Variants in NSL1 observed in about 807,000 individuals in gnomAD.
NSL1 encodes the protein kinetochore-associated protein NSL1 homolog.
Under a neutral mutation model 25.4 loss-of-function variants are expected in NSL1, and 11 were observed. The ratio of observed to expected loss-of-function variants is 0.43; its 90% CI spans 0.27 to 0.72. The LOEUF (loss-of-function observed/expected upper bound fraction) is 0.72, where lower values mean the gene tolerates loss of function less well. Among genes scored for constraint, NSL1 ranks in the 30% least tolerant of loss-of-function variants. NSL1 has a pLI of 0.19. For synonymous variants in NSL1, 118 were observed against 120.6 expected (o/e 0.98, Z 0.14); for missense variants, 330 against 342.7 (o/e 0.96, Z 0.29).
At position 212,736,503 on chromosome 1, in the gene NSL1, TC is replaced by T; in HGVS notation, c.*1904del. 1 of 985,234 alleles carries T rather than the reference TC, an allele frequency of 1.0e-6. No homozygotes were observed. The highest frequency in any genetic ancestry group is 1.7e-5 in the African/African-American group (1 of 57,378). The allele number at this position is 985,234 out of a possible 1,614,324, so 61.0% of individuals were successfully genotyped here. A position where few individuals can be genotyped will look rare whatever the true frequency, so the allele number is the denominator to read the frequency against. ...GCCTATGCAGAAATGCAACTTCTCC[TC>T]TTACACAGTATACTTATTCAATATT... On this transcript the variant is annotated 3_prime_UTR_variant, in exon 6 of 6. Coordinates refer to ENST00000366977, the MANE Select transcript of NSL1 (RefSeq NM_015471.4).
At chr1:212,761,973 A>G (rs1268002333) in intron 4 of NSL1, among the ~76,000 whole-genome samples, 2 of 18,516 alleles carry the variant, frequency 1.1e-4, no homozygotes, top group African/African-American at 2.2e-4. Flanking sequence ...TGATGAGCTA[A>G]AAAAAAAAAA....
intron 4 of NSL1, among the ~76,000 whole-genome samples, chr1:212,765,732 G>C (rs982377487): frequency 6.6e-6 from 1 of 152,038 alleles, no homozygotes; most frequent in Non-Finnish European, 1.5e-5. Flanking sequence ...CTTGAACCTG[G>C]AAAGTGGAGG....
In NSL1 at chr1:212,791,540, T is replaced by G; in HGVS notation, c.224A>C (p.Asp75Ala). 6.2e-7 allele frequency: 1 copy of G among 1,613,498 alleles called. No homozygotes were observed. Among genetic ancestry groups the G allele is most frequent in the Non-Finnish European group, 8.5e-7 (1 of 1,179,900 alleles). Residue 75 changes from aspartate to alanine, a missense_variant, in exon 1 of 6, where the codon GAT becomes GCT. Coordinates refer to ENST00000366977, the MANE Select transcript of NSL1 (RefSeq NM_015471.4). Reference protein sequence around the residue: ...PEEIREPALRDAQWTFESAVQ... With the variant: ...PEEIREPALRAAQWTFESAVQ... Reference sequence around the variant, plus strand: ...TAACTGGTCCCGTACCCACTGCGCATCTCGCAGAGCGGGCTCCCGAATCTC... The same window carrying G: ...TAACTGGTCCCGTACCCACTGCGCAGCTCGCAGAGCGGGCTCCCGAATCTC...
chr1:212,731,536 T>C lies in NSL1; in HGVS notation c.*6872A>G, dbSNP rs1658015979. On this transcript the variant is annotated 3_prime_UTR_variant, in exon 6 of 6. Coordinates refer to ENST00000366977, the MANE Select transcript of NSL1 (RefSeq NM_015471.4). Reference sequence around the variant, plus strand: ...ACCAAATTTATTTTCCCTTAATTACTATATGCATTTAATTTTAAAAATCAA... The same window carrying C: ...ACCAAATTTATTTTCCCTTAATTACCATATGCATTTAATTTTAAAAATCAA... The C allele has an allele frequency of 1.0e-6, 1 of 985,124 alleles. No individual in the cohort carries two copies. The highest frequency in any genetic ancestry group is 6.1e-5 in the Admixed American group (1 of 16,268). 61.0% of individuals were successfully genotyped at this position (985,124 alleles called of 1,614,324 possible). A position where few individuals can be genotyped will look rare whatever the true frequency, so the allele number is the denominator to read the frequency against.
intron 4 of NSL1, among the ~76,000 whole-genome samples, chr1:212,758,925 C>T (rs1177636012): frequency 2.6e-5 from 4 of 152,072 alleles, no homozygotes; most frequent in African/African-American, 9.7e-5. Flanking sequence ...TAGTAGTGGC[C>T]TAAGGACAGA....
intron 4 of NSL1, among the ~76,000 whole-genome samples, chr1:212,748,823 A>G (rs1289449136): frequency 6.6e-6 from 1 of 152,198 alleles, no homozygotes; most frequent in African/African-American, 2.4e-5. Context: ...TATGTTCAAT[A>G]TCTTTTTCTT....
At position 212,726,478 on chromosome 1, in the gene NSL1, G is replaced by A. The variant is rs1657791898; in HGVS notation, c.*11930C>T. 6.6e-6 allele frequency: 1 copy of A among 152,284 alleles called. No homozygotes were observed. The highest frequency in any genetic ancestry group is 1.5e-5 in the Non-Finnish European group (1 of 68,128). 9.4% of individuals were successfully genotyped at this position (152,284 alleles called of 1,614,324 possible). On this transcript the variant is annotated 3_prime_UTR_variant, in exon 6 of 6. Transcript: ENST00000366977. Reference sequence around the variant, plus strand: ...TTATCAAGATGGCATATGGGTGTAGGGAGAAGAAGAGGTGCTGGAGCCATC... The same window carrying A: ...TTATCAAGATGGCATATGGGTGTAGAGAGAAGAAGAGGTGCTGGAGCCATC...
Position 212,727,632 on chromosome 1 carries a change from C to G in NSL1, c.*10776G>C, listed in dbSNP as rs1423767768. 3 of 985,234 alleles carry G rather than the reference C, an allele frequency of 3.0e-6. No individual in the cohort carries two copies. Among genetic ancestry groups the G allele is most frequent in the Non-Finnish European group, 3.6e-6 (3 of 829,872 alleles). The allele number at this position is 985,234 out of a possible 1,614,324, so 61.0% of individuals were successfully genotyped here. Reference sequence around the variant, plus strand: ...GTAACCTTCTAAAATTCACACGTCACAAATTCAGAATTTACTATAATTATA... The same window carrying G: ...GTAACCTTCTAAAATTCACACGTCAGAAATTCAGAATTTACTATAATTATA... On this transcript the variant is annotated 3_prime_UTR_variant, in exon 6 of 6. Coordinates refer to ENST00000366977, the MANE Select transcript of NSL1 (RefSeq NM_015471.4).
chr1:212,751,041 A>C (rs1019925203), intron 4 of NSL1, among the ~76,000 whole-genome samples: 2 of 152,242 alleles, frequency 1.3e-5, no homozygotes, highest in Non-Finnish European at 2.9e-5. Flanking sequence ...CTCAGGAACA[A>C]AATAATAATT....
In NSL1 at chr1:212,728,026, C is replaced by T. The variant is rs376964789; in HGVS notation, c.*10382G>A. 1.0e-6 allele frequency: 1 copy of T among 985,300 alleles called. No individual in the cohort carries two copies. Among genetic ancestry groups the T allele is most frequent in the East Asian group, 1.1e-4 (1 of 8,826 alleles). 61.0% of individuals were successfully genotyped at this position (985,300 alleles called of 1,614,324 possible). On this transcript the variant is annotated 3_prime_UTR_variant, in exon 6 of 6. Coordinates refer to ENST00000366977, the MANE Select transcript of NSL1 (RefSeq NM_015471.4). ...CAGAGTTTGTGGTCAGAAGGCCTCG[C>T]TCTGCTCTACATGGTCTATAGACCG... is the stretch of plus-strand genomic sequence containing the variant.
At chr1:212,755,878 G>A (rs1179525556) in intron 4 of NSL1, among the ~76,000 whole-genome samples, 1 of 152,072 alleles carries the variant, frequency 6.6e-6, no homozygotes, top group Admixed American at 6.6e-5. Flanking sequence ...TAGAGCTACG[G>A]CAGTCGAATG....
At position 212,786,744 on chromosome 1, in the gene NSL1, G is replaced by A. The variant is rs140129893; in HGVS notation, c.313+815C>T. Among the ~76,000 whole-genome samples the A allele has an allele frequency of 4.3e-3, 658 of 152,244 alleles. 7 individuals carry two copies. Among genetic ancestry groups the A allele is most frequent in the African/African-American group, 0.014 (600 of 41,530 alleles). On this transcript the variant is annotated intron_variant, in intron 2 of 5. Transcript: ENST00000366977. ...AACTGCTTGAACCTAGGAGGTGGAG[G>A]TTGCAGTGAGCTGAGATCGCGCCAC... is the stretch of plus-strand genomic sequence containing the variant.
chr1:212,787,781 T>C lies in NSL1; in HGVS notation c.235-144A>G, dbSNP rs557768990. 5.9e-4 allele frequency: 279 copies of C among 472,690 alleles called. 1 individual carries two copies. Among genetic ancestry groups the C allele is most frequent in the South Asian group, 3.6e-4 (8 of 22,050 alleles). 29.3% of individuals were successfully genotyped at this position (472,690 alleles called of 1,614,324 possible). A position where few individuals can be genotyped will look rare whatever the true frequency, so the allele number is the denominator to read the frequency against. ...TAATTAGTATATCTATTCTTTTCAA[T>C]GAAGATTCCACTTCAATCATTGATT... On this transcript the variant is annotated intron_variant, in intron 1 of 5. Transcript: ENST00000366977.
intron 4 of NSL1, among the ~76,000 whole-genome samples, chr1:212,775,051 A>T (rs1179265906): frequency 6.6e-6 from 1 of 152,240 alleles, no homozygotes; most frequent in Non-Finnish European, 1.5e-5. Context: ...ACAATGGAAT[A>T]TTATTTTGCA....
At chr1:212,754,430 A>G (rs1419721429) in intron 4 of NSL1, among the ~76,000 whole-genome samples, 1 of 152,084 alleles carries the variant, frequency 6.6e-6, no homozygotes, top group Non-Finnish European at 1.5e-5. Flanking sequence ...TCACTGTTTG[A>G]AACCGAGGGC....
intron 4 of NSL1, among the ~76,000 whole-genome samples, chr1:212,763,515 C>T (rs1056554204): frequency 3.9e-5 from 6 of 152,048 alleles, no homozygotes; most frequent in Admixed American, 3.3e-4. Flanking sequence ...AAAAAACCAC[C>T]AAGTATCTGC....
At position 212,737,971 on chromosome 1, in the gene NSL1, A is replaced by G. The variant is rs2102427167; in HGVS notation, c.*437T>C. ...AACCCTGCATCTGCTGCTGTGCAGA[A>G]CTGATAATTACTTTTCAGCATGTAA... is the stretch of plus-strand genomic sequence containing the variant. On this transcript the variant is annotated 3_prime_UTR_variant, in exon 6 of 6. Transcript: ENST00000366977. 1 of 987,506 alleles carries G rather than the reference A, an allele frequency of 1.0e-6. No individual in the cohort carries two copies. Among genetic ancestry groups the G allele is most frequent in the South Asian group, 4.7e-5 (1 of 21,414 alleles). 61.2% of individuals were successfully genotyped at this position (987,506 alleles called of 1,614,324 possible).
At position 212,734,327 on chromosome 1, in the gene NSL1, T is replaced by TA. The variant is rs1558035553; in HGVS notation, c.*4080dup. Among the ~76,000 whole-genome samples, 1 of 152,350 alleles carries TA rather than the reference T, an allele frequency of 6.6e-6. No individual in the cohort carries two copies. Among genetic ancestry groups the TA allele is most frequent in the African/African-American group, 2.4e-5 (1 of 41,580 alleles). The stretch of plus-strand genomic sequence containing the variant: ...CAAAGATTCCTGCCATTAAGGGACT[T>TA]ACAGTTTTTGGGTCTGTCTTTGATG... On this transcript the variant is annotated 3_prime_UTR_variant, in exon 6 of 6. Coordinates refer to ENST00000366977, the MANE Select transcript of NSL1 (RefSeq NM_015471.4).
In NSL1 at chr1:212,728,220, C is replaced by T. The variant is rs1657867190; in HGVS notation, c.*10188G>A. On this transcript the variant is annotated 3_prime_UTR_variant, in exon 6 of 6. Coordinates refer to ENST00000366977, the MANE Select transcript of NSL1 (RefSeq NM_015471.4). ...GTAAGCACTCAATACATGGTAACTA[C>T]TAGCATTATATTGATATTACCTTCA... The T allele has an allele frequency of 1.1e-6, 1 of 939,204 alleles. No individual in the cohort carries two copies. The allele number at this position is 939,204 out of a possible 1,614,324, so 58.2% of individuals were successfully genotyped here.
Sources: gnomAD v4.1 joint callset for allele counts (sites outside exome capture counted in the v4.1 genomes callset) on GRCh38, gnomAD v4.1.1 for gene constraint, MANE v1.5 for transcripts, NCBI Gene and HGNC (gene_info 2026-07-23, HGNC 2026-07-21) for gene names.